Variants in MOXD1 observed in about 807,000 individuals in gnomAD.
MOXD1 encodes DBH-like monooxygenase protein 1.
A neutral mutation model predicts 66.6 loss-of-function variants in MOXD1; 62 were observed. The ratio of observed to expected loss-of-function variants is 0.93; its 90% CI spans 0.76 to 1.15. The LOEUF (loss-of-function observed/expected upper bound fraction) is 1.15. Ranked by LOEUF, MOXD1 falls within the 50% of genes most tolerant of loss-of-function variation. The probability of loss-of-function intolerance (pLI) is 0.00; values close to 1 mark genes in which losing one functional copy is unlikely to be tolerated. For missense variants in MOXD1, 847 were observed against 754.6 expected, an observed-to-expected ratio of 1.12 and a Z score of -1.44; for synonymous variants, 303 against 281.9, an observed-to-expected ratio of 1.07 and a Z score of -0.75.
chr6:132,386,392 A>C (rs1776640058), intron 1 of MOXD1, among the ~76,000 whole-genome samples: 1 of 149,024 alleles, frequency 6.7e-6, no homozygotes, highest in Admixed American at 6.8e-5. Flanking sequence ...ACAGAGCGAG[A>C]CTCCGTCTCA....
intron 4 of MOXD1, among the ~76,000 whole-genome samples, chr6:132,358,888 T>C (rs1165637254): frequency 1.3e-5 from 2 of 152,218 alleles, no homozygotes; most frequent in Non-Finnish European, 2.9e-5. Context: ...AGAACTTTCT[T>C]TAGGCCCATG....
intron 10 of MOXD1, among the ~76,000 whole-genome samples, chr6:132,301,367 T>C (rs1304252351): frequency 6.6e-6 from 1 of 152,084 alleles, no homozygotes; most frequent in Non-Finnish European, 1.5e-5. Context: ...TAGAGTAATT[T>C]TTTAAATTTT....
chr6:132,316,349 C>T (rs1480015118), intron 9 of MOXD1, among the ~76,000 whole-genome samples: 1 of 151,974 alleles, frequency 6.6e-6, no homozygotes, highest in African/African-American at 2.4e-5. Context: ...TTATTATCTA[C>T]CTTCAATGGA....
At chr6:132,378,260 T>C (rs1462038108) in intron 1 of MOXD1, among the ~76,000 whole-genome samples, 1 of 152,214 alleles carries the variant, frequency 6.6e-6, no homozygotes, top group Non-Finnish European at 1.5e-5. Context: ...TTACTTCAGC[T>C]GGGCCCTCAC....
At chr6:132,309,468 G>A (rs141057455) in intron 10 of MOXD1, among the ~76,000 whole-genome samples, 10 of 152,216 alleles carry the variant, frequency 6.6e-5, no homozygotes, top group South Asian at 2.1e-4. Context: ...TAGATTCAAC[G>A]CTATTTCCAT....
intron 10 of MOXD1, among the ~76,000 whole-genome samples, chr6:132,303,768 TAC>T (rs1774607625): frequency 1.6e-5 from 2 of 127,640 alleles, no homozygotes; most frequent in Admixed American, 7.8e-5. Context: ...TATATATATA[TAC>T]ATACATATAT....
At chr6:132,367,535 C>T (rs1279470354) in intron 4 of MOXD1, among the ~76,000 whole-genome samples, 1 of 152,012 alleles carries the variant, frequency 6.6e-6, no homozygotes, top group African/African-American at 2.4e-5. Flanking sequence ...TCTCTTAAAA[C>T]CCAGCAATGG....
At chr6:132,367,962 T>C (rs1032713230) in intron 4 of MOXD1, among the ~76,000 whole-genome samples, 1 of 152,076 alleles carries the variant, frequency 6.6e-6, no homozygotes, top group South Asian at 2.1e-4. Context: ...TAAGGGATGA[T>C]GATTTTGGCT....
At chr6:132,320,565 C>T (rs1486274439) in intron 9 of MOXD1, 64 bp downstream of exon 9, 4 of 1,376,480 alleles carry the variant, frequency 2.9e-6, no homozygotes, top group African/African-American at 1.5e-5. Flanking sequence ...CCTTTTTCTT[C>T]TAAAATCAAG....
At chr6:132,340,745 C>A (rs1290213230) in intron 4 of MOXD1, among the ~76,000 whole-genome samples, 3 of 146,384 alleles carry the variant, frequency 2.0e-5, no homozygotes, top group Non-Finnish European at 4.5e-5. Flanking sequence ...CTCCCGGGTT[C>A]ACGCCATTCT....
At chr6:132,326,881 G>A (rs761184853) in intron 6 of MOXD1, among the ~76,000 whole-genome samples, 24 of 152,122 alleles carry the variant, frequency 1.6e-4, no homozygotes, top group South Asian at 4.2e-4. Flanking sequence ...ATCATACCAC[G>A]TGTCCTCTCT....
intron 4 of MOXD1, 60 bp from the exon 5 acceptor site, chr6:132,328,654 C>A (rs1327209041): frequency 2.0e-6 from 3 of 1,473,074 alleles, no homozygotes; most frequent in East Asian, 2.3e-5. Context: ...CAACATCCCA[C>A]AACAAACGTG....
intron 10 of MOXD1, among the ~76,000 whole-genome samples, chr6:132,305,260 A>G (rs1270330185): frequency 6.6e-6 from 1 of 152,238 alleles, no homozygotes; most frequent in Admixed American, 6.5e-5. Flanking sequence ...TTCCACCAGA[A>G]TGCCTCTTCA....
chr6:132,345,538 A>G (rs1410248603), intron 4 of MOXD1, among the ~76,000 whole-genome samples: 1 of 152,208 alleles, frequency 6.6e-6, no homozygotes, highest in Non-Finnish European at 1.5e-5. Flanking sequence ...TCTGTCTATA[A>G]TATTTCCTTG....
At chr6:132,398,935 C>CACAAAAAAAAAA (rs1554239404) in intron 1 of MOXD1, among the ~76,000 whole-genome samples, 1 of 75,120 alleles carries the variant, frequency 1.3e-5, no homozygotes, top group Non-Finnish European at 2.8e-5. Flanking sequence ...GAGACTTTGT[C>CACAAAAAAAAAA]AAAAAAAAAA....
At chr6:132,371,089 G>A (rs1030707112) in intron 4 of MOXD1, among the ~76,000 whole-genome samples, 8 of 152,090 alleles carry the variant, frequency 5.3e-5, no homozygotes, top group Non-Finnish European at 8.8e-5. Context: ...ATAAAGGACC[G>A]GTTGTTTGAA....
At chr6:132,297,414 G>C (rs1410263357) in intron 11 of MOXD1, 97 bp from the exon 12 acceptor site, 12 of 1,274,884 alleles carry the variant, frequency 9.4e-6, no homozygotes, top group Non-Finnish European at 1.3e-5. Flanking sequence ...AGGGGATAAA[G>C]GGGGCAGGAG....
rs1774417625 is a variant in MOXD1, at chr6:132,297,075, T to C, written c.*78A>G. On this transcript the variant is annotated 3_prime_UTR_variant, in exon 12 of 12. Coordinates refer to ENST00000367963, the MANE Select transcript of MOXD1 (RefSeq NM_015529.4). ...GTCTCCACACTCTTCATGCCCAAAG[T>C]GGACACAGTCTTTAACCTGTACTTC... 3 of 1,459,384 alleles carry C rather than the reference T, an allele frequency of 2.1e-6. No homozygotes were observed. The highest frequency in any genetic ancestry group is 2.8e-6 in the Non-Finnish European group (3 of 1,071,716). The allele number at this position is 1,459,384 out of a possible 1,614,324, so 90.4% of individuals were successfully genotyped here.
intron 4 of MOXD1, among the ~76,000 whole-genome samples, chr6:132,350,341 G>A (rs1436873885): frequency 6.6e-6 from 1 of 152,142 alleles, no homozygotes; most frequent in East Asian, 1.9e-4. Context: ...TCTCCTACAT[G>A]TGGCTAGCTT....
Sources: gnomAD v4.1 joint callset for allele counts (sites outside exome capture counted in the v4.1 genomes callset) on GRCh38, gnomAD v4.1.1 for gene constraint, MANE v1.5 for transcripts, NCBI Gene and HGNC (gene_info 2026-07-23, HGNC 2026-07-21) for gene names.